CCDC117: variants seen among roughly 807,000 people sequenced by gnomAD.
CCDC117 encodes the protein coiled-coil domain-containing protein 117.
In CCDC117, 1 loss-of-function variant was observed where a neutral mutation model predicts 23.5. The observed-to-expected ratio is 0.04, with a 90% CI of 0.02 to 0.20. The LOEUF is 0.20. Ranked by LOEUF, CCDC117 falls within the 10% of genes least tolerant of loss-of-function variation. The probability of loss-of-function intolerance (pLI) is 1.00; values close to 1 mark genes in which losing one functional copy is unlikely to be tolerated. For synonymous variants in CCDC117, 132 were observed against 124.8 expected, an observed-to-expected ratio of 1.06 and a Z score of -0.39; for missense variants, 383 against 348.2, an observed-to-expected ratio of 1.10 and a Z score of -0.80.
At chr22:28,782,347 C>G (rs1405423410) in intron 3 of CCDC117, among the ~76,000 whole-genome samples, 1 of 151,208 alleles carries the variant, frequency 6.6e-6, no homozygotes. Flanking sequence ...CAACCTCCGC[C>G]TCCCAGGTTC....
At chr22:28,779,191 ATACTTTAT>A (rs769177561) in intron 2 of CCDC117, among the ~76,000 whole-genome samples, 7 of 151,766 alleles carry the variant, frequency 4.6e-5, no homozygotes, top group Admixed American at 2.6e-4. Flanking sequence ...AAAATATCAC[ATACTTTAT>A]TTATTTATTT....
chr22:28,781,335 G>GTTTTTTTTTTTTTTTTTTTTGTTTTT (rs2031317655), intron 3 of CCDC117, among the ~76,000 whole-genome samples, 163 bp downstream of exon 3: 1 of 14,824 alleles, frequency 6.7e-5, no homozygotes, highest in Non-Finnish European at 9.9e-5. Context: ...TTTTTGTTTT[G>GTTTTTTTTTTTTTTTTTTTTGTTTTT]TTTTTTTTTT....
rs5762795 is a variant in CCDC117, at chr22:28,786,512, C to A, written c.*186C>A. 0.39 allele frequency: 213,718 copies of A among 551,592 alleles called. 46,522 individuals are homozygous for A. The highest frequency in any genetic ancestry group is 0.68 in the East Asian group (22,990 of 33,924). The allele number at this position is 551,592 out of a possible 1,614,324, so 34.2% of individuals were successfully genotyped here. A position where few individuals can be genotyped will look rare whatever the true frequency, so the allele number is the denominator to read the frequency against. ...ATTGACTTCACCTTTTTGCCAAGGA[C>A]GTTTGTCTCAAGGGAAAAGCAGTTT... On this transcript the variant is annotated 3_prime_UTR_variant, in exon 5 of 5. Transcript: ENST00000249064.
At position 28,773,785 on chromosome 22, in the gene CCDC117, T is replaced by G. The variant is rs763026993; in HGVS notation, c.239+7T>G. ...AGGAGGAGGAGGATGATGAGTAAGT[T>G]TCAGTGGTTGTTTATTCACTCTGTG... is the stretch of plus-strand genomic sequence containing the variant. On this transcript the variant is annotated splice_region_variant and intron_variant, in intron 2 of 4. Coordinates refer to ENST00000249064, the MANE Select transcript of CCDC117 (RefSeq NM_173510.4). 6.2e-7 allele frequency: 1 copy of G among 1,611,626 alleles called. No homozygotes were observed. The highest frequency in any genetic ancestry group is 2.2e-5 in the East Asian group (1 of 44,870).
At chr22:28,778,916 C>T (rs1390419241) in intron 2 of CCDC117, among the ~76,000 whole-genome samples, 1 of 152,138 alleles carries the variant, frequency 6.6e-6, no homozygotes, top group Non-Finnish European at 1.5e-5. Flanking sequence ...GGTCAGAGCG[C>T]AGAACCCAGG....
intron 4 of CCDC117, 53 bp downstream of exon 4, chr22:28,783,698 A>G: frequency 6.4e-7 from 1 of 1,553,408 alleles, no homozygotes; most frequent in Non-Finnish European, 8.9e-7. Flanking sequence ...GGGAAGACCC[A>G]ATGTCTAGAT....
chr22:28,773,520 G>T (rs1220426757), intron 1 of CCDC117: 3 of 591,170 alleles, frequency 5.1e-6, no homozygotes, highest in Non-Finnish European at 9.2e-6. Flanking sequence ...GTTGATAAAA[G>T]GACAAGTTGA....
rs1159421265 is a variant in CCDC117, at chr22:28,783,679, G to T, written c.602+34G>T. The T allele has an allele frequency of 2.5e-6, 4 of 1,600,698 alleles. No individual in the cohort carries two copies. The South Asian group carries it at 4.4e-5, about 18-fold the overall frequency. ...TGGTACCTGATTTCTATTTAATTAT[G>T]ATCTTGGAGGGAAGACCCAATGTCT... On this transcript the variant is annotated intron_variant, in intron 4 of 4. Coordinates refer to ENST00000249064, the MANE Select transcript of CCDC117 (RefSeq NM_173510.4).
chr22:28,775,764 G>C (rs2031144717), intron 2 of CCDC117, among the ~76,000 whole-genome samples: 1 of 152,036 alleles, frequency 6.6e-6, no homozygotes. Flanking sequence ...AGGTGCGGTG[G>C]CAGGTGTCTG....
At chr22:28,779,398 G>A (rs1295347031) in intron 2 of CCDC117, among the ~76,000 whole-genome samples, 3 of 151,678 alleles carry the variant, frequency 2.0e-5, no homozygotes, top group South Asian at 4.2e-4. Flanking sequence ...TGGAGACGGG[G>A]TTTCACCATG....
At chr22:28,785,363 A>AT (rs1187917230) in intron 4 of CCDC117, among the ~76,000 whole-genome samples, 1 of 151,702 alleles carries the variant, frequency 6.6e-6, no homozygotes, top group Non-Finnish European at 1.5e-5. Flanking sequence ...TAATTTTTGT[A>AT]TTTTTTGTAG....
intron 3 of CCDC117, among the ~76,000 whole-genome samples, chr22:28,782,602 C>T (rs1384561883): frequency 6.6e-6 from 1 of 151,980 alleles, no homozygotes; most frequent in East Asian, 1.9e-4. Flanking sequence ...TCACACCTGG[C>T]TAATTTTTGT....
At chr22:28,773,597 C>T (rs1186866618) in intron 1 of CCDC117, 128 bp from the exon 2 acceptor site, 4 of 722,492 alleles carry the variant, frequency 5.5e-6, no homozygotes, top group East Asian at 5.4e-5. Flanking sequence ...TTGTACCCAT[C>T]CCACTAGGCT....
At chr22:28,776,880 A>C (rs1440697770) in intron 2 of CCDC117, among the ~76,000 whole-genome samples, 1 of 150,504 alleles carries the variant, frequency 6.6e-6, no homozygotes. Flanking sequence ...CACCGCACCC[A>C]ACCAATTTTT....
Position 28,781,156 on chromosome 22 carries a change from C to A in CCDC117, c.448C>A (p.Gln150Lys). The change falls in exon 3 of 5, where the codon CAG (glutamine) becomes AAG (lysine). Residue 150 changes from glutamine (Q) to lysine (K), a missense_variant. Coordinates refer to ENST00000249064, the MANE Select transcript of CCDC117 (RefSeq NM_173510.4). ...GTGTGAAGTTGCCCGAAGGAAGCTT[C>A]AGGAGATTGAGGACAGGTAAATGGG... ...PQCEVARRKL[Q>K]EIEDRIIDED... The A allele has an allele frequency of 5.6e-6, 9 of 1,612,782 alleles. No homozygotes were observed. Among genetic ancestry groups the A allele is most frequent in the Non-Finnish European group, 5.9e-6 (7 of 1,179,098 alleles).
intron 4 of CCDC117, among the ~76,000 whole-genome samples, chr22:28,784,884 C>T (rs2031462318): frequency 6.6e-6 from 1 of 151,950 alleles, no homozygotes; most frequent in Non-Finnish European, 1.5e-5. Context: ...CATTCTCCTG[C>T]TCAGCCTCCC....
In CCDC117 at chr22:28,781,355, T is replaced by TTTG. The variant is rs2031325963; in HGVS notation, c.464+185_464+186insGTT. Among the ~76,000 whole-genome samples, 10 of 15,958 alleles carry TTTG rather than the reference T, an allele frequency of 6.3e-4. 2 individuals carry two copies. The highest frequency in any genetic ancestry group is 6.2e-3 in the Admixed American group (10 of 1,624). The allele number at this position is 15,958 out of a possible 152,430, so 10.5% of individuals were successfully genotyped here. ...GTTTTGTTTTTTTTTTTTTTTTTTTTTTTTTTTTTTTTTGAGACGGAGTCT... is the reference window on the plus strand; with the variant it reads ...GTTTTGTTTTTTTTTTTTTTTTTTTTTTGTTTTTTTTTTTTTGAGACGGAGTCT... On this transcript the variant is annotated intron_variant, in intron 3 of 4. Transcript: ENST00000249064.
intron 3 of CCDC117, among the ~76,000 whole-genome samples, chr22:28,782,080 G>A (rs2031358040): frequency 6.6e-6 from 1 of 151,562 alleles, no homozygotes. Context: ...TGGGACTGCA[G>A]GCATGTGCCA....
At chr22:28,781,713 G>C (rs1036429133) in intron 3 of CCDC117, among the ~76,000 whole-genome samples, 19 of 151,740 alleles carry the variant, frequency 1.3e-4, no homozygotes, top group Non-Finnish European at 2.4e-4. Context: ...GTGCCATCTT[G>C]GCTCAATGCA....
Sources: gnomAD v4.1 joint callset for allele counts (sites outside exome capture counted in the v4.1 genomes callset) on GRCh38, gnomAD v4.1.1 for gene constraint, MANE v1.5 for transcripts, NCBI Gene and HGNC (gene_info 2026-07-23, HGNC 2026-07-21) for gene names.